The following WNK1 variants were observed in gnomAD, a reference collection of about 807,000 sequenced individuals.
WNK1 encodes the protein WNK lysine deficient protein kinase 1.
WNK1 carries 38 observed loss-of-function variants against 222.8 expected under a neutral mutation model. The observed-to-expected ratio is 0.17, with a 90% CI of 0.13 to 0.22. The LOEUF (loss-of-function observed/expected upper bound fraction) is 0.22. Among genes scored for constraint, WNK1 ranks in the 10% least tolerant of loss-of-function variants. WNK1 has a pLI of 1.00. For missense variants in WNK1, 2,348 were observed against 2,918.4 expected (o/e 0.80, Z 4.50); for synonymous variants, 1,090 against 1,092.9 (o/e 1.00, Z 0.05).
intron 1 of WNK1, among the ~76,000 whole-genome samples, chr12:785,677 G>A (rs535659011): frequency 1.3e-5 from 2 of 152,272 alleles, no homozygotes; most frequent in African/African-American, 4.8e-5. Flanking sequence ...GATTACAAGC[G>A]TGAGCCACCA....
intron 22 of WNK1, among the ~76,000 whole-genome samples, chr12:893,823 A>AATAATAATAATAATAATAATAATAATAAT (rs142028560): frequency 7.0e-6 from 1 of 143,788 alleles, no homozygotes; most frequent in Non-Finnish European, 1.5e-5. Flanking sequence ...ACTCCATCTC[A>AATAATAATAATAATAATAATAATAATAAT]AATAATAATA....
chr12:884,699 T>A lies in WNK1; in HGVS notation c.3895T>A (p.Ser1299Thr). ...SPGMNLSHSA[S>T]SLSLQQAFSE... ...TGGAATGAACTTGTCTCACTCTGCA[T>A]CATCCCTTAGTCTACAACAGGCCTT... The change falls in exon 19 of 28, where the codon TCA (serine) becomes ACA (threonine). Residue 1299 changes from serine (S) to threonine (T), a missense_variant. Ser to Thr is a moderately conservative substitution (Grantham distance 58). Coordinates refer to ENST00000315939, the MANE Select transcript of WNK1 (RefSeq NM_018979.4). The surrounding 1 kb of genome is among the most constrained non-coding windows in gnomAD (Gnocchi z 5.6). 6.2e-7 allele frequency: 1 copy of A among 1,614,220 alleles called. No homozygotes were observed. The highest frequency in any genetic ancestry group is 8.5e-7 in the Non-Finnish European group (1 of 1,180,034).
chr12:882,909 G>T, intron 14 of WNK1, 34 bp from the exon 15 acceptor site: 4 of 1,319,060 alleles, frequency 3.0e-6, no homozygotes, highest in Non-Finnish European at 4.4e-6. Flanking sequence ...GCTGAATATG[G>T]TCTTTGGAGA....
At chr12:887,128 T>C (rs745767872) in intron 19 of WNK1, 93 bp from the exon 20 acceptor site, 3 of 1,083,016 alleles carry the variant, frequency 2.8e-6, no homozygotes, top group East Asian at 2.4e-5. Context: ...TTTATTCTTA[T>C]GTTTGTGCAT....
chr12:771,822 A>T (rs1257552011), intron 1 of WNK1, among the ~76,000 whole-genome samples: 1 of 152,122 alleles, frequency 6.6e-6, no homozygotes, highest in Non-Finnish European at 1.5e-5. Context: ...TTTTAAAATT[A>T]TTTTTTATTT....
Position 883,810 on chromosome 12 carries a change from T to C in WNK1, c.3700T>C (p.Ser1234Pro), listed in dbSNP as rs765934842. Residue 1234 changes from serine (S) to proline (P), a missense_variant, in exon 17 of 28, where the codon TCT becomes CCT. Physicochemically the swap from Ser to Pro is moderately conservative, Grantham distance 74. This residue lies in a region of WNK1 where 1,144 missense variants were observed against 1,273.6 expected (regional missense o/e 0.90). Coordinates refer to ENST00000315939, the MANE Select transcript of WNK1 (RefSeq NM_018979.4). ...AGAGTTCAAACAACCAATTCCTGCG[T>C]CTTCCATGCCACAGCAAATAGGTGA... ...EGEFKQPIPA[S>P]SMPQQIGIPT... 3.7e-6 allele frequency: 6 copies of C among 1,614,122 alleles called. No individual in the cohort carries two copies. In the South Asian group the frequency reaches 6.6e-5, roughly 18 times the overall value.
rs34202153 is a variant in WNK1 at position 896,886 on chromosome 12, CCACACACACACACACACACACACACA to C, written c.6245+182_6245+207del. ...AGAAGCCCCACCCCATACCTCCCCA[CCACACACACACACACACACACACACA>C]CACACACACACACACACACACACAC... On this transcript the variant is annotated intron_variant, in intron 24 of 27. Coordinates refer to ENST00000315939, the MANE Select transcript of WNK1 (RefSeq NM_018979.4). Among the ~76,000 whole-genome samples, 28,637 of 134,546 alleles carry C rather than the reference CCACACACACACACACACACACACACA, an allele frequency of 0.21. 3,190 individuals carry two copies. The highest frequency in any genetic ancestry group is 0.25 in the Admixed American group (3,348 of 13,194). The allele number at this position is 134,546 out of a possible 152,430, so 88.3% of individuals were successfully genotyped here.
intron 1 of WNK1, among the ~76,000 whole-genome samples, chr12:801,011 T>C (rs901249781): frequency 1.3e-5 from 2 of 152,218 alleles, no homozygotes; most frequent in Non-Finnish European, 2.9e-5. Flanking sequence ...ATTGGTTCCT[T>C]TCTCAGGTAC....
intron 8 of WNK1, chr12:868,709 G>A (rs1300966249): frequency 1.2e-6 from 2 of 1,613,918 alleles, no homozygotes; most frequent in Non-Finnish European, 1.7e-6. Context: ...AAATCGGCAG[G>A]TTGCAGTGGA....
chr12:770,130 A>G (rs976124575), intron 1 of WNK1, among the ~76,000 whole-genome samples: 3 of 152,014 alleles, frequency 2.0e-5, no homozygotes, highest in African/African-American at 4.8e-5. Context: ...ATGCGCCACC[A>G]TGTCTGGCTA....
At chr12:819,076 C>T (rs1016700713) in intron 2 of WNK1, among the ~76,000 whole-genome samples, 3 of 152,208 alleles carry the variant, frequency 2.0e-5, no homozygotes, top group Admixed American at 1.3e-4. Context: ...TTATGGATTA[C>T]ATTTGCATTT....
chr12:831,259 C>T lies in WNK1; in HGVS notation c.1311+1099C>T, dbSNP rs565116015. 3.9e-5 allele frequency among the ~76,000 whole-genome samples: 6 copies of T among 152,090 alleles called. No individual in the cohort carries two copies. The South Asian group carries it at 6.2e-4, about 16-fold the overall frequency. On this transcript the variant is annotated intron_variant, in intron 4 of 27. Coordinates refer to ENST00000315939, the MANE Select transcript of WNK1 (RefSeq NM_018979.4). ...ATATAAAAGAATTCATTTGTAGGGC[C>T]GGGCGTGGTGGCTTATGCCTGTAAT...
At chr12:806,923 G>A (rs908908963) in intron 1 of WNK1, among the ~76,000 whole-genome samples, 4 of 152,112 alleles carry the variant, frequency 2.6e-5, no homozygotes, top group Non-Finnish European at 4.4e-5. Flanking sequence ...TCAGTTGCAG[G>A]TTGCATTTGT....
At chr12:755,835 T>C (rs140994430) in intron 1 of WNK1, among the ~76,000 whole-genome samples, 2 of 152,068 alleles carry the variant, frequency 1.3e-5, no homozygotes, top group African/African-American at 2.4e-5. Flanking sequence ...ATTAGCCGGG[T>C]ATGGTGGCGC....
chr12:784,818 TTA>T (rs1182704823), intron 1 of WNK1, among the ~76,000 whole-genome samples: 4 of 152,354 alleles, frequency 2.6e-5, no homozygotes, highest in African/African-American at 7.2e-5. Context: ...GAGATTCTTC[TTA>T]TATCTAGCTG....
intron 1 of WNK1, among the ~76,000 whole-genome samples, chr12:771,198 C>T (rs1206523099): frequency 1.3e-5 from 2 of 151,654 alleles, no homozygotes; most frequent in Non-Finnish European, 2.9e-5. Flanking sequence ...GGGGTTTCAC[C>T]GTGTTAGCCA....
chr12:908,380 G>C, intron 27 of WNK1, 95 bp from the exon 28 acceptor site: 1 of 1,305,676 alleles, frequency 7.7e-7, no homozygotes, highest in Admixed American at 1.7e-5. Context: ...CTGTTCTGCT[G>C]TATCTTACAG....
rs775325408 is a variant in WNK1, at chr12:885,888, C to A, written c.5084C>A (p.Thr1695Asn). ...ACTGTCACACCAGGCATCCCAACTA[C>A]TGCTGTTGCACCAAGCAAACTCCTG... ...ESTVTPGIPTTAVAPSKLLTS... is the reference protein window; with the variant it reads ...ESTVTPGIPTNAVAPSKLLTS... Residue 1695 changes from threonine (T) to asparagine (N), a missense_variant, in exon 19 of 28, where the codon ACT becomes AAT. Coordinates refer to ENST00000315939, the MANE Select transcript of WNK1 (RefSeq NM_018979.4). 2 of 1,612,492 alleles carry A rather than the reference C, an allele frequency of 1.2e-6. No homozygotes were observed. Among genetic ancestry groups the A allele is most frequent in the African/African-American group, 2.7e-5 (2 of 74,852 alleles).
chr12:853,301 A>G (rs1293191176), intron 4 of WNK1, among the ~76,000 whole-genome samples: 2 of 152,224 alleles, frequency 1.3e-5, no homozygotes, highest in Non-Finnish European at 2.9e-5. Context: ...TTGCGCAGTG[A>G]GTATTCCTAT....
Sources: allele counts gnomAD v4.1 joint callset (sites outside exome capture counted in the v4.1 genomes callset), GRCh38; gene constraint gnomAD v4.1.1; regional missense constraint gnomAD v4.1.1; non-coding constraint Gnocchi (gnomAD v3.1); transcripts MANE v1.5; gene names NCBI Gene and HGNC (gene_info 2026-07-23, HGNC 2026-07-21).